Variants in RAMP1 observed in about 807,000 individuals in gnomAD.
The protein encoded by RAMP1 is receptor activity modifying protein 1, also known as receptor activity-modifying protein 1.
Under a neutral mutation model 8.2 loss-of-function variants are expected in RAMP1, and 7 were observed. That is an observed-to-expected ratio of 0.85 (90% CI 0.49 to 1.60). The LOEUF (loss-of-function observed/expected upper bound fraction) is 1.60. Among genes scored for constraint, RAMP1 ranks in the 40% most tolerant of loss-of-function variants. The pLI, the probability that RAMP1 is intolerant of heterozygous loss-of-function variation, is 0.00. For synonymous variants in RAMP1, 92 were observed against 84.7 expected (o/e 1.09, Z -0.47); for missense variants, 192 against 202.4 (o/e 0.95, Z 0.31).
chr2:237,897,424 T>C (rs934235351), intron 2 of RAMP1, among the ~76,000 whole-genome samples: 7 of 152,220 alleles, frequency 4.6e-5, no homozygotes, highest in Non-Finnish European at 8.8e-5. Context: ...GGAGGAATTG[T>C]GGCCTCCTCC....
upstream of RAMP1, chr2:237,859,541 C>T (rs1401121331): frequency 6.7e-6 from 3 of 449,162 alleles, no homozygotes; most frequent in Non-Finnish European, 8.9e-6. Flanking sequence ...TGGGCCGGGC[C>T]GCGCGGCCGC....
At chr2:237,895,372 T>C (rs2062530268) in intron 2 of RAMP1, among the ~76,000 whole-genome samples, 2 of 152,144 alleles carry the variant, frequency 1.3e-5, no homozygotes, top group South Asian at 2.1e-4. Flanking sequence ...CAGGGATCAC[T>C]GAACCCATTT....
At chr2:237,864,526 T>A (rs754218571) in intron 1 of RAMP1, among the ~76,000 whole-genome samples, 1 of 152,162 alleles carries the variant, frequency 6.6e-6, no homozygotes, top group Non-Finnish European at 1.5e-5. Flanking sequence ...GGGAAAGCGC[T>A]GCACCGTTTC....
chr2:237,910,709 TAGTCACAC>T (rs1453527712), intron 2 of RAMP1, among the ~76,000 whole-genome samples: 1 of 149,278 alleles, frequency 6.7e-6, no homozygotes, highest in African/African-American at 2.5e-5. Context: ...CACAGTCACA[TAGTCACAC>T]ACAGAGAATA....
chr2:237,891,698 A>G (rs1026324672), intron 2 of RAMP1, among the ~76,000 whole-genome samples: 2 of 152,176 alleles, frequency 1.3e-5, no homozygotes, highest in Non-Finnish European at 2.9e-5. Flanking sequence ...AGAAGAAATT[A>G]TCTGTTTGTT....
chr2:237,877,262 A>G lies in RAMP1; in HGVS notation c.91A>G (p.Asn31Asp), dbSNP rs1393788019. ...CATGACCACTGCCTGCCAGGAGGCT[A>G]ACTACGGTGCCCTCCTCCGGGAGCT... is the stretch of plus-strand genomic sequence containing the variant. ...LFMTTACQEA[N>D]YGALLRELCL... is the part of the protein sequence containing the mutation. The change falls in exon 2 of 3, where the codon AAC becomes GAC. Residue 31 changes from asparagine (N) to aspartate (D), a missense_variant. Coordinates refer to ENST00000254661, the MANE Select transcript of RAMP1 (RefSeq NM_005855.4). This position sits in a 1 kb window ranked among gnomAD's most constrained non-coding sequence, Gnocchi z 4.4. 2 of 1,613,920 alleles carry G rather than the reference A, an allele frequency of 1.2e-6. No homozygotes were observed. Among genetic ancestry groups the G allele is most frequent in the Non-Finnish European group, 1.7e-6 (2 of 1,180,014 alleles).
At chr2:237,889,475 C>T (rs573381537) in intron 2 of RAMP1, among the ~76,000 whole-genome samples, 1 of 152,300 alleles carries the variant, frequency 6.6e-6, no homozygotes, top group African/African-American at 2.4e-5. Context: ...TAATAGCTTC[C>T]TATGTGCATT....
intron 1 of RAMP1, among the ~76,000 whole-genome samples, chr2:237,868,775 G>A (rs551830636): frequency 7.0e-4 from 106 of 152,268 alleles, no homozygotes; most frequent in African/African-American, 2.5e-3. Context: ...TGGATTCTCT[G>A]TATTTGTGGT....
intron 2 of RAMP1, among the ~76,000 whole-genome samples, chr2:237,898,000 T>C (rs982886857): frequency 3.3e-5 from 5 of 152,138 alleles, no homozygotes; most frequent in African/African-American, 1.2e-4. Flanking sequence ...GGTTTCACCA[T>C]GTTGGCCAGG....
At chr2:237,883,904 T>C (rs2062399783) in intron 2 of RAMP1, among the ~76,000 whole-genome samples, 1 of 146,566 alleles carries the variant, frequency 6.8e-6, no homozygotes, top group Non-Finnish European at 1.5e-5. Context: ...CCCTGGCCTG[T>C]AGGTCCACTT....
chr2:237,911,462 G>T, intron 2 of RAMP1, 66 bp from the exon 3 acceptor site: 2 of 1,583,806 alleles, frequency 1.3e-6, no homozygotes, highest in South Asian at 1.1e-5. Flanking sequence ...GCAGCAGCCC[G>T]GGCTGGGGTC....
At chr2:237,869,385 C>T (rs915079155) in intron 1 of RAMP1, among the ~76,000 whole-genome samples, 3 of 152,214 alleles carry the variant, frequency 2.0e-5, no homozygotes, top group Non-Finnish European at 4.4e-5. Flanking sequence ...CTATCCATCC[C>T]TAGAAGTTTT....
At chr2:237,883,235 G>A in intron 2 of RAMP1, among the ~76,000 whole-genome samples, 1 of 152,110 alleles carries the variant, frequency 6.6e-6, no homozygotes, top group East Asian at 1.9e-4. Flanking sequence ...CAGGTATCTT[G>A]GTATATGGCA....
chr2:237,867,132 G>T (rs551249220), intron 1 of RAMP1, among the ~76,000 whole-genome samples: 1 of 152,320 alleles, frequency 6.6e-6, no homozygotes, highest in African/African-American at 2.4e-5. Context: ...CATTTTGGGA[G>T]GCCAAGGTGG....
chr2:237,864,821 A>G (rs1163125757), intron 1 of RAMP1, among the ~76,000 whole-genome samples: 1 of 152,266 alleles, frequency 6.6e-6, no homozygotes, highest in Non-Finnish European at 1.5e-5. Flanking sequence ...CACGGAGCAC[A>G]GCCCTGAGGA....
chr2:237,889,233 C>A (rs546505627), intron 2 of RAMP1, among the ~76,000 whole-genome samples: 1 of 152,338 alleles, frequency 6.6e-6, no homozygotes, highest in African/African-American at 2.4e-5. Context: ...GACCGTGTGA[C>A]CTCCGCACAG....
chr2:237,907,000 G>A (rs1194186558), intron 2 of RAMP1, among the ~76,000 whole-genome samples: 1 of 152,168 alleles, frequency 6.6e-6, no homozygotes, highest in Non-Finnish European at 1.5e-5. Context: ...TGGAATCACA[G>A]GTGTGAGCCA....
chr2:237,891,873 G>A (rs2062491443), intron 2 of RAMP1, among the ~76,000 whole-genome samples: 1 of 152,010 alleles, frequency 6.6e-6, no homozygotes, highest in African/African-American at 2.4e-5. Context: ...TTGCATATAT[G>A]TTTTGCTCTG....
chr2:237,860,673 TG>T lies in RAMP1; in HGVS notation c.52+947del, dbSNP rs375869009. Among the ~76,000 whole-genome samples, 30 of 147,332 alleles carry T rather than the reference TG, an allele frequency of 2.0e-4. No individual in the cohort carries two copies. The South Asian group carries it at 6.3e-3, about 31-fold the overall frequency. ...GTGTCCCTGGGAAGGCCGGAGCAGT[TG>T]TTTCTGGTATGTGTGGCCTTTCCCC... On this transcript the variant is annotated intron_variant, in intron 1 of 2. Transcript: ENST00000254661.
Sources: allele counts gnomAD v4.1 joint callset (sites outside exome capture counted in the v4.1 genomes callset), GRCh38; gene constraint gnomAD v4.1.1; non-coding constraint Gnocchi (gnomAD v3.1); transcripts MANE v1.5; gene names NCBI Gene and HGNC (gene_info 2026-07-23, HGNC 2026-07-21).